Variants in MAGI3 observed in about 807,000 individuals in gnomAD.
MAGI3 encodes membrane associated guanylate kinase, WW and PDZ domain containing 3.
Under a neutral mutation model 121.8 loss-of-function variants are expected in MAGI3, and 43 were observed. That is an observed-to-expected ratio of 0.35 (90% confidence interval 0.28 to 0.46). MAGI3 has a LOEUF of 0.46. Ranked by LOEUF, MAGI3 falls within the 20% of genes least tolerant of loss-of-function variation. MAGI3 has a pLI of 1.00. For synonymous variants in MAGI3, 553 were observed against 639.3 expected, an observed-to-expected ratio of 0.86 and a Z score of 2.04; for missense variants, 1,547 against 1,797.3, an observed-to-expected ratio of 0.86 and a Z score of 2.52.
At chr1:113,558,371 CT>C (rs1660084794) in intron 2 of MAGI3, among the ~76,000 whole-genome samples, 2 of 152,178 alleles carry the variant, frequency 1.3e-5, no homozygotes, top group South Asian at 4.1e-4. Context: ...ACATAACCCC[CT>C]GTTATAGCTG....
At chr1:113,629,107 A>G (rs1457910762) in intron 9 of MAGI3, among the ~76,000 whole-genome samples, 1 of 150,734 alleles carries the variant, frequency 6.6e-6, no homozygotes, top group Non-Finnish European at 1.5e-5. Flanking sequence ...ATTGTTCTTT[A>G]TTCTTGTTTT....
intron 16 of MAGI3, among the ~76,000 whole-genome samples, chr1:113,667,519 A>G (rs1647241004): frequency 6.6e-6 from 1 of 152,260 alleles, no homozygotes; most frequent in Non-Finnish European, 1.5e-5. Context: ...GCTTATGGAA[A>G]TACTGTGGCT....
intron 1 of MAGI3, among the ~76,000 whole-genome samples, chr1:113,488,400 G>T (rs1208491608): frequency 6.6e-6 from 1 of 152,362 alleles, no homozygotes; most frequent in South Asian, 2.1e-4. Context: ...GATGAGGCAG[G>T]TCCAACCTGA....
intron 1 of MAGI3, among the ~76,000 whole-genome samples, chr1:113,505,606 G>A (rs1023363796): frequency 6.6e-5 from 10 of 151,426 alleles, no homozygotes; most frequent in Non-Finnish European, 1.3e-4. Flanking sequence ...TTTTTTCAAC[G>A]GATAATAAGG....
At chr1:113,642,780 A>G (rs1652621801) in intron 10 of MAGI3, among the ~76,000 whole-genome samples, 1 of 152,200 alleles carries the variant, frequency 6.6e-6, no homozygotes, top group South Asian at 2.1e-4. Context: ...GGCTTTAATG[A>G]TTAGAGAGAG....
chr1:113,672,224 CT>C (rs1647601098), intron 17 of MAGI3, among the ~76,000 whole-genome samples: 1 of 152,220 alleles, frequency 6.6e-6, no homozygotes, highest in Non-Finnish European at 1.5e-5. Flanking sequence ...GTATTTCTGT[CT>C]TCTTTCATTG....
intron 12 of MAGI3, 140 bp from the exon 13 acceptor site, chr1:113,649,097 G>C (rs1456354017): frequency 1.7e-6 from 1 of 573,136 alleles, no homozygotes; most frequent in African/African-American, 1.9e-5. Context: ...TTACACTCTT[G>C]TGCAAATTTT....
chr1:113,427,568 C>G (rs973521846), intron 1 of MAGI3, among the ~76,000 whole-genome samples: 1 of 152,184 alleles, frequency 6.6e-6, no homozygotes, highest in Non-Finnish European at 1.5e-5. Context: ...GGCTGTCTTT[C>G]TTCTGTAGAG....
At chr1:113,521,189 C>T (rs376693391) in intron 1 of MAGI3, among the ~76,000 whole-genome samples, 6 of 150,220 alleles carry the variant, frequency 4.0e-5, no homozygotes, top group South Asian at 2.1e-4. Context: ...CGGGTTCAAG[C>T]GATTCTCCTG....
At chr1:113,505,541 AATAAATAAATAAATAT>A (rs1199383437) in intron 1 of MAGI3, among the ~76,000 whole-genome samples, 2 of 148,952 alleles carry the variant, frequency 1.3e-5, no homozygotes, top group African/African-American at 4.9e-5. Flanking sequence ...TAAATAAATA[AATAAATAAATAAATAT>A]ATAATGTCAG....
At chr1:113,393,397 C>T (rs1327621631) in intron 1 of MAGI3, among the ~76,000 whole-genome samples, 1 of 152,094 alleles carries the variant, frequency 6.6e-6, no homozygotes, top group Non-Finnish European at 1.5e-5. Flanking sequence ...TGAAGAGACA[C>T]TTTGTGTCAG....
chr1:113,403,768 G>A (rs1321111990), intron 1 of MAGI3: 1 of 152,152 alleles, frequency 6.6e-6, no homozygotes, highest in Non-Finnish European at 1.5e-5. Context: ...CATATCTTGT[G>A]TCCTGCATCT....
intron 1 of MAGI3, among the ~76,000 whole-genome samples, chr1:113,443,120 G>T (rs191960271): frequency 6.6e-6 from 1 of 152,016 alleles, no homozygotes; most frequent in East Asian, 1.9e-4. Flanking sequence ...AAATTAAAAC[G>T]AATTATTCTG....
At chr1:113,458,975 T>C (rs1051294149) in intron 1 of MAGI3, among the ~76,000 whole-genome samples, 3 of 152,220 alleles carry the variant, frequency 2.0e-5, no homozygotes, top group Admixed American at 6.5e-5. Context: ...AGTTCCTGGT[T>C]TTGAAGACAC....
rs145176805 is a variant in MAGI3 at position 113,590,576 on chromosome 1, A to G, written c.856A>G (p.Met286Val). The G allele has an allele frequency of 1.7e-5, 28 of 1,613,672 alleles. No individual in the cohort carries two copies. Among genetic ancestry groups the G allele is most frequent in the African/African-American group, 2.7e-5 (2 of 74,922 alleles). ...TNSSMDFRNYMMRDETLEPLP... is the reference protein window; with the variant it reads ...TNSSMDFRNYVMRDETLEPLP... ...TAGCTCCATGGACTTTAGAAATTAT[A>G]TGATGAGAGATGAGACTCTGGAACC... Residue 286 changes from methionine to valine, a missense_variant, in exon 5 of 21, where the codon ATG becomes GTG. Transcript: ENST00000307546.
At chr1:113,539,148 A>C (rs554839282) in intron 1 of MAGI3, among the ~76,000 whole-genome samples, 34 of 152,322 alleles carry the variant, frequency 2.2e-4, no homozygotes, top group African/African-American at 7.9e-4. Context: ...TAATCCCAGC[A>C]CTTTGGGAGG....
intron 19 of MAGI3, among the ~76,000 whole-genome samples, chr1:113,674,485 T>G (rs559355613): frequency 6.6e-6 from 1 of 152,172 alleles, no homozygotes; most frequent in East Asian, 1.9e-4. Flanking sequence ...ATTAAAAACT[T>G]TTAATTTCTA....
chr1:113,440,777 G>T (rs927193575), intron 1 of MAGI3, among the ~76,000 whole-genome samples: 2 of 152,144 alleles, frequency 1.3e-5, no homozygotes, highest in African/African-American at 4.8e-5. Flanking sequence ...CCATTGCAAG[G>T]TATGCTTATC....
chr1:113,472,748 GT>G (rs1655604740), intron 1 of MAGI3, among the ~76,000 whole-genome samples: 1 of 132,832 alleles, frequency 7.5e-6, no homozygotes, highest in Non-Finnish European at 1.7e-5. Context: ...GTGTGTGTGT[GT>G]GTGTGTGTGT....
Sources: gnomAD v4.1 joint callset for allele counts (sites outside exome capture counted in the v4.1 genomes callset) on GRCh38, gnomAD v4.1.1 for gene constraint, MANE v1.5 for transcripts, NCBI Gene and HGNC (gene_info 2026-07-23, HGNC 2026-07-21) for gene names.